The following ATP9B variants were observed in gnomAD, a reference collection of about 807,000 sequenced individuals.
ATP9B encodes probable phospholipid-transporting ATPase IIB.
ATP9B carries 110 observed loss-of-function variants against 146.1 expected under a neutral mutation model. The observed-to-expected ratio is 0.75, with a 90% CI of 0.65 to 0.88. The LOEUF (loss-of-function observed/expected upper bound fraction) is 0.88. Ranked by LOEUF, ATP9B falls within the 40% of genes least tolerant of loss-of-function variation. ATP9B has a pLI of 0.00. For missense variants in ATP9B, 1,499 were observed against 1,496.4 expected, an observed-to-expected ratio of 1.00 and a Z score of -0.03; for synonymous variants, 604 against 569.7, an observed-to-expected ratio of 1.06 and a Z score of -0.86.
chr18:79,261,872 C>A (rs1039611367), intron 12 of ATP9B, among the ~76,000 whole-genome samples: 1 of 152,166 alleles, frequency 6.6e-6, no homozygotes, highest in African/African-American at 2.4e-5. Context: ...TACTAAGTGT[C>A]CTGCTAAGCT....
rs778281431 is a variant in ATP9B at position 79,329,141 on chromosome 18, G to A, written c.1774G>A (p.Val592Ile). 80 of 1,585,128 alleles carry A rather than the reference G, an allele frequency of 5.0e-5. No homozygotes were observed. The highest frequency in any genetic ancestry group is 6.7e-5 in the Non-Finnish European group (78 of 1,166,038). Residue 592 changes from valine (V) to isoleucine (I), a missense_variant and splice_region_variant, in exon 16 of 30, where the codon GTC (valine) becomes ATC (isoleucine). By Grantham distance (29) the Val-to-Ile change is conservative. Transcript: ENST00000426216. ...CTCAGTTGTTGCTGGTCTCCCGTAG[G>A]TCGCTCTGGTGCAGTGGACAGAGAG... Reference protein sequence around the residue: ...RTYQASSPDEVALVQWTESVG... With the variant: ...RTYQASSPDEIALVQWTESVG...
chr18:79,256,271 A>G (rs1241194298), intron 12 of ATP9B, among the ~76,000 whole-genome samples: 1 of 131,020 alleles, frequency 7.6e-6, no homozygotes, highest in Non-Finnish European at 1.6e-5. Context: ...ATATATATAT[A>G]TATATATATA....
At chr18:79,341,951 C>G (rs552609134) in intron 19 of ATP9B, among the ~76,000 whole-genome samples, 13 of 152,346 alleles carry the variant, frequency 8.5e-5, no homozygotes, top group African/African-American at 3.1e-4. Flanking sequence ...CCATCTAGTT[C>G]TTTCTCTGTG....
intron 11 of ATP9B, among the ~76,000 whole-genome samples, chr18:79,244,158 C>A (rs532431972): frequency 6.6e-6 from 1 of 151,852 alleles, no homozygotes; most frequent in Admixed American, 6.6e-5. Context: ...CTATTCTCCG[C>A]AGTTTCTTTA....
intron 15 of ATP9B, among the ~76,000 whole-genome samples, chr18:79,327,855 CAT>C (rs2096765889): frequency 2.2e-4 from 10 of 44,986 alleles, no homozygotes; most frequent in Non-Finnish European, 3.2e-4. Flanking sequence ...GCGTGCTCTC[CAT>C]GGTTAGCGTG....
intron 15 of ATP9B, among the ~76,000 whole-genome samples, chr18:79,323,436 ATCCCCAATATCCTCAATG>A (rs2146941790): frequency 6.6e-6 from 1 of 152,112 alleles, no homozygotes; most frequent in East Asian, 1.9e-4. Context: ...TATCACCCCT[ATCCCCAATATCCTCAATG>A]TCCCCGATAT....
At position 79,118,320 on chromosome 18, in the gene ATP9B, A is replaced by G. The variant is rs1229813720; in HGVS notation, c.558+4966A>G. ...CATTTTCTAATAAAAGCAGTATAGC[A>G]TTATAGAAACTTTAGAACACAGAGA... On this transcript the variant is annotated intron_variant, in intron 4 of 29. Coordinates refer to ENST00000426216, the MANE Select transcript of ATP9B (RefSeq NM_198531.5). 2.7e-5 allele frequency among the ~76,000 whole-genome samples: 4 copies of G among 150,454 alleles called. No homozygotes were observed. In the East Asian group the frequency reaches 7.8e-4, roughly 29 times the overall value.
At chr18:79,305,814 G>A (rs964653880) in intron 14 of ATP9B, among the ~76,000 whole-genome samples, 1 of 152,144 alleles carries the variant, frequency 6.6e-6, no homozygotes, top group Non-Finnish European at 1.5e-5. Context: ...ATTCTCTATC[G>A]GTATTCTGTT....
intron 12 of ATP9B, among the ~76,000 whole-genome samples, chr18:79,258,106 C>T (rs61322073): frequency 0.061 from 9,346 of 152,154 alleles, 579 homozygotes; most frequent in African/African-American, 0.16. Flanking sequence ...AATTAGTTTA[C>T]GCAATAAGCA....
chr18:79,155,914 C>G (rs995836614), intron 7 of ATP9B, among the ~76,000 whole-genome samples: 5 of 151,946 alleles, frequency 3.3e-5, no homozygotes, highest in Admixed American at 2.6e-4. Context: ...AGGCGCCCAC[C>G]ACCATGCCCG....
intron 5 of ATP9B, among the ~76,000 whole-genome samples, chr18:79,127,116 A>C (rs1275015562): frequency 6.6e-6 from 1 of 152,220 alleles, no homozygotes; most frequent in Non-Finnish European, 1.5e-5. Flanking sequence ...TATGTATATA[A>C]GAGGACATTT....
intron 8 of ATP9B, among the ~76,000 whole-genome samples, chr18:79,190,724 T>C (rs1317291839): frequency 2.0e-5 from 3 of 152,122 alleles, no homozygotes; most frequent in African/African-American, 7.2e-5. Context: ...TTTTGTATTT[T>C]TAGTAGAGAC....
rs373904823 is a variant in ATP9B at position 79,277,205 on chromosome 18, C to T, written c.1411+9C>T. 86 of 1,613,978 alleles carry T rather than the reference C, an allele frequency of 5.3e-5. No individual in the cohort carries two copies. Among genetic ancestry groups the T allele is most frequent in the East Asian group, 6.7e-5 (3 of 44,890 alleles). On this transcript the variant is annotated intron_variant, in intron 13 of 29. Transcript: ENST00000426216. ...ATTGACAGACAAAACAGGTACTGTT[C>T]GTGGTCTGTGTTCACCTTTGAATGG...
At chr18:79,336,476 C>T in intron 17 of ATP9B, 152 bp from the exon 18 acceptor site, 1 of 660,758 alleles carries the variant, frequency 1.5e-6, no homozygotes, top group Middle Eastern at 2.9e-4. Context: ...AAAGGTGTCC[C>T]TCTGCTGAGT....
chr18:79,195,075 T>G (rs760547578), intron 9 of ATP9B, among the ~76,000 whole-genome samples: 1 of 152,122 alleles, frequency 6.6e-6, no homozygotes, highest in African/African-American at 2.4e-5. Flanking sequence ...TCCTGAAACA[T>G]TATAATAACC....
intron 25 of ATP9B, among the ~76,000 whole-genome samples, chr18:79,349,416 G>A (rs1019862259): frequency 1.9e-4 from 29 of 152,198 alleles, no homozygotes; most frequent in African/African-American, 7.0e-4. Flanking sequence ...GAACTCACCC[G>A]TGGGAGGCCC....
At chr18:79,310,406 A>G (rs933983549) in intron 15 of ATP9B, among the ~76,000 whole-genome samples, 2 of 152,248 alleles carry the variant, frequency 1.3e-5, no homozygotes, top group East Asian at 3.8e-4. Context: ...AAGAAGACAG[A>G]ACAGAATAAA....
intron 4 of ATP9B, among the ~76,000 whole-genome samples, chr18:79,119,956 G>T (rs996249503): frequency 6.6e-6 from 1 of 152,134 alleles, no homozygotes; most frequent in African/African-American, 2.4e-5. Context: ...TGAATAATTA[G>T]ACAAAGTTAA....
intron 15 of ATP9B, among the ~76,000 whole-genome samples, chr18:79,324,824 TTTATA>T (rs2096735369): frequency 6.6e-6 from 1 of 152,250 alleles, no homozygotes; most frequent in African/African-American, 2.4e-5. Flanking sequence ...TGTCCCTGAA[TTTATA>T]AATAGTTAAC....
Sources: allele counts gnomAD v4.1 joint callset (sites outside exome capture counted in the v4.1 genomes callset), GRCh38; gene constraint gnomAD v4.1.1; transcripts MANE v1.5; gene names NCBI Gene and HGNC (gene_info 2026-07-23, HGNC 2026-07-21).